SCN1A: variants seen among roughly 807,000 people sequenced by gnomAD.
SCN1A encodes the protein sodium voltage-gated channel alpha subunit 1.
A neutral mutation model predicts 193.7 loss-of-function variants in SCN1A; 13 were observed. The ratio of observed to expected loss-of-function variants is 0.07; its 90% CI spans 0.04 to 0.11. The LOEUF (loss-of-function observed/expected upper bound fraction) is 0.11, where lower values mean the gene tolerates loss of function less well. Ranked by LOEUF, SCN1A falls within the 10% of genes least tolerant of loss-of-function variation. The pLI is 1.00. For missense variants in SCN1A, 1,432 were observed against 2,451.1 expected (o/e 0.58, Z 8.78); for synonymous variants, 781 against 843.6 (o/e 0.93, Z 1.29).
rs147654430 is a variant in SCN1A, at chr2:166,145,516, T to C, written c.-50+3531A>G. Among the ~76,000 whole-genome samples the C allele has an allele frequency of 1.3e-3, 148 of 111,682 alleles. 1 individual carries two copies. The highest frequency in any genetic ancestry group is 5.1e-3 in the African/African-American group (130 of 25,298). 73.3% of individuals were successfully genotyped at this position (111,682 alleles called of 152,430 possible). A position where few individuals can be genotyped will look rare whatever the true frequency, so the allele number is the denominator to read the frequency against. ...GTATATTGAAAAGAATCTTTAACTG[T>C]TGGAGAAAAATTTGTGTGTGTGTGT... On this transcript the variant is annotated intron_variant, in intron 1 of 26. Transcript: ENST00000635750.
chr2:166,046,664 T>C (rs1697857426), intron 12 of SCN1A, 106 bp downstream of exon 12: 2 of 1,032,336 alleles, frequency 1.9e-6, no homozygotes, highest in East Asian at 5.0e-5. Flanking sequence ...GAAATCATTA[T>C]TAATTCCTCA....
chr2:166,076,672 T>G lies in SCN1A; in HGVS notation c.-50+1038A>C, dbSNP rs368687050. Among the ~76,000 whole-genome samples the G allele has an allele frequency of 3.0e-4, 46 of 152,054 alleles. 1 individual carries two copies. The highest frequency in any genetic ancestry group is 1.1e-3 in the African/African-American group (45 of 41,560). On this transcript the variant is annotated intron_variant, in intron 3 of 28. Transcript: ENST00000674923. ...AGCTGCAGTAATCAATACAGTGTGGTACTGACAAAAGAATAGATAAGTGGA... is the reference window on the plus strand; with the variant it reads ...AGCTGCAGTAATCAATACAGTGTGGGACTGACAAAAGAATAGATAAGTGGA...
intron 4 of SCN1A, 57 bp downstream of exon 4, chr2:166,073,301 G>T: frequency 6.3e-7 from 1 of 1,599,304 alleles, no homozygotes; most frequent in South Asian, 1.1e-5. Context: ...TGCTACAACA[G>T]TCCAAGGAAT....
intron 2 of SCN1A, among the ~76,000 whole-genome samples, chr2:166,120,770 T>G (rs1317284884): frequency 6.6e-6 from 1 of 151,628 alleles, no homozygotes; most frequent in Non-Finnish European, 1.5e-5. Flanking sequence ...CACACCACCA[T>G]GCCTGGCTAA....
intron 16 of SCN1A, among the ~76,000 whole-genome samples, chr2:166,040,350 C>T (rs1559207402): frequency 6.6e-6 from 1 of 152,102 alleles, no homozygotes; most frequent in Non-Finnish European, 1.5e-5. Flanking sequence ...ATTCCTATTT[C>T]CCTCAATCAG....
intron 2 of SCN1A, among the ~76,000 whole-genome samples, chr2:166,085,209 C>G (rs546691564): frequency 6.6e-6 from 1 of 152,168 alleles, no homozygotes; most frequent in African/African-American, 2.4e-5. Flanking sequence ...GGGAGACATA[C>G]AATACCCTCC....
intron 20 of SCN1A, among the ~76,000 whole-genome samples, chr2:166,015,118 C>T (rs1693100943): frequency 6.6e-6 from 1 of 151,878 alleles, no homozygotes; most frequent in Admixed American, 6.6e-5. Context: ...ATTGCCCATA[C>T]TGCACCAGGC....
chr2:166,126,641 C>T (rs1179765009), intron 2 of SCN1A, among the ~76,000 whole-genome samples: 3 of 152,134 alleles, frequency 2.0e-5, no homozygotes, highest in East Asian at 1.9e-4. Flanking sequence ...AGAAATACCA[C>T]GTGAACCTGT....
chr2:166,088,641 T>C (rs1686414465), intron 2 of SCN1A, among the ~76,000 whole-genome samples: 1 of 152,210 alleles, frequency 6.6e-6, no homozygotes, highest in Non-Finnish European at 1.5e-5. Flanking sequence ...TATTTTCTTT[T>C]GTTTAAATTC....
intron 23 of SCN1A, among the ~76,000 whole-genome samples, chr2:166,004,840 A>G (rs764750777): frequency 6.6e-6 from 1 of 151,468 alleles, no homozygotes; most frequent in East Asian, 1.9e-4. Context: ...TTCAAATAGC[A>G]CTTCTTTCAT....
intron 2 of SCN1A, among the ~76,000 whole-genome samples, chr2:166,093,794 G>C (rs1430642439): frequency 6.6e-6 from 1 of 152,134 alleles, no homozygotes; most frequent in Non-Finnish European, 1.5e-5. Context: ...AAAAAATGGA[G>C]GTTCAGCAAA....
chr2:166,122,806 C>T (rs1394206422), intron 2 of SCN1A, among the ~76,000 whole-genome samples: 3 of 152,056 alleles, frequency 2.0e-5, no homozygotes, highest in African/African-American at 7.2e-5. Context: ...ATTTTTATGA[C>T]CTCAGATTAG....
At chr2:166,145,966 A>C (rs1224019731) in intron 1 of SCN1A, among the ~76,000 whole-genome samples, 1 of 152,122 alleles carries the variant, frequency 6.6e-6, no homozygotes, top group Non-Finnish European at 1.5e-5. Context: ...GGGGATGAGG[A>C]GCAGAGATGG....
At chr2:166,133,648 T>G (rs1035942595) in intron 1 of SCN1A, among the ~76,000 whole-genome samples, 1 of 152,206 alleles carries the variant, frequency 6.6e-6, no homozygotes, top group Non-Finnish European at 1.5e-5. Context: ...TTTGGGGGCC[T>G]GGTTTATTTT....
chr2:166,141,681 C>G (rs1015254201), intron 1 of SCN1A, among the ~76,000 whole-genome samples: 2 of 151,842 alleles, frequency 1.3e-5, no homozygotes, highest in African/African-American at 4.8e-5. Flanking sequence ...TTTATTTAAT[C>G]AGTTCTCAGA....
At chr2:166,048,643 G>A (rs957274358) in intron 10 of SCN1A, among the ~76,000 whole-genome samples, 1 of 152,020 alleles carries the variant, frequency 6.6e-6, no homozygotes, top group Non-Finnish European at 1.5e-5. Context: ...TTGCTATTGT[G>A]AATAGTGCTG....
chr2:166,009,618 A>G, intron 23 of SCN1A, 101 bp downstream of exon 23: 1 of 1,195,144 alleles, frequency 8.4e-7, no homozygotes, highest in Non-Finnish European at 1.2e-6. Context: ...TTTTGCAAGA[A>G]TTTGCCATTC....
chr2:166,113,042 T>C (rs1005004054), intron 2 of SCN1A, among the ~76,000 whole-genome samples: 39 of 152,162 alleles, frequency 2.6e-4, no homozygotes, highest in Non-Finnish European at 5.0e-4. Context: ...GATTTATAGC[T>C]GGTCAGTCAG....
chr2:166,148,004 A>G (rs896191090), intron 1 of SCN1A, among the ~76,000 whole-genome samples: 1 of 152,194 alleles, frequency 6.6e-6, no homozygotes, highest in Non-Finnish European at 1.5e-5. Flanking sequence ...ACCAAAACAA[A>G]TGATTGATAG....
Sources: gnomAD v4.1 joint callset for allele counts (sites outside exome capture counted in the v4.1 genomes callset) on GRCh38, gnomAD v4.1.1 for gene constraint, MANE v1.5 for transcripts, NCBI Gene and HGNC (gene_info 2026-07-23, HGNC 2026-07-21) for gene names.